Variants in FASN observed in about 807,000 individuals in gnomAD.
FASN encodes the protein fatty acid synthase.
A neutral mutation model predicts 250.0 loss-of-function variants in FASN; 50 were observed. That is an observed-to-expected ratio of 0.20 (90% confidence interval 0.16 to 0.25). The LOEUF (loss-of-function observed/expected upper bound fraction) is 0.25. Ranked by LOEUF, FASN falls within the 10% of genes least tolerant of loss-of-function variation. The probability of loss-of-function intolerance (pLI) is 1.00; values close to 1 mark genes in which losing one functional copy is unlikely to be tolerated. For synonymous variants in FASN, 1,909 were observed against 1,584.0 expected (o/e 1.21, Z -4.87); for missense variants, 3,031 against 3,498.5 (o/e 0.87, Z 3.37).
In FASN at chr17:82,083,987, A is replaced by G. The variant is rs1488443286; in HGVS notation, c.5086T>C (p.Phe1696Leu). Residue 1696 changes from phenylalanine (F) to leucine (L), a missense_variant, in exon 29 of 43, where the codon TTC becomes CTC. Coordinates refer to ENST00000306749, the MANE Select transcript of FASN (RefSeq NM_004104.5). ...AIALSLGCRV[F>L]TTVGSAEKRA... is the part of the protein sequence containing the mutation. ...GGCGGGGCCTTACCCACGGTGGTGAAGACGCGGCAGCCCAGACTGAGGGCG... is the reference window on the plus strand; with the variant it reads ...GGCGGGGCCTTACCCACGGTGGTGAGGACGCGGCAGCCCAGACTGAGGGCG... 6.5e-7 allele frequency: 1 copy of G among 1,539,602 alleles called. No homozygotes were observed. The highest frequency in any genetic ancestry group is 8.7e-7 in the Non-Finnish European group (1 of 1,145,576).
At chr17:82,085,969 G>C (rs2034091191) in intron 22 of FASN, 98 bp from the exon 23 acceptor site, 7 of 1,384,532 alleles carry the variant, frequency 5.1e-6, no homozygotes, top group Admixed American at 2.6e-5. Context: ...TGGCAGAAAG[G>C]CTTCCCCGTC....
In FASN at chr17:82,085,773, G is replaced by T; in HGVS notation, c.3831C>A (p.Pro1277=). 1 of 1,564,404 alleles carries T rather than the reference G, an allele frequency of 6.4e-7. No individual in the cohort carries two copies. Among genetic ancestry groups the T allele is most frequent in the Non-Finnish European group, 8.7e-7 (1 of 1,154,936 alleles). The change falls in exon 23 of 43, where the codon CCC becomes CCA. Residue 1277 remains proline (P), a synonymous_variant. Transcript: ENST00000306749. The part of the protein sequence containing the change: ...QLSYTATDRH[P]QALEAAQAEL... ...CGGCCTGGGCAGCCTCCAGGGCCTG[G>T]GGGTGGCGGTCGGTGGCCGTGTAGC...
rs770881274 is a variant in FASN, at chr17:82,084,138, C to T, written c.4935G>A (p.Ala1645=). ...TGCTGTAGACGACAGGCACCGAGGC[C>T]GCCTCCTCCAGCGTCCTGGGGATGC... ...DVPSNWTLEE[A]ASVPVVYSTA... Residue 1645 remains alanine (A), a synonymous_variant, in exon 29 of 43, where the codon GCG becomes GCA. Transcript: ENST00000306749. 1.6e-5 allele frequency: 25 copies of T among 1,592,256 alleles called. No homozygotes were observed. The highest frequency in any genetic ancestry group is 6.9e-5 in the East Asian group (3 of 43,272).
In FASN at chr17:82,093,300, G is replaced by A. The variant is rs1272225944; in HGVS notation, c.574C>T (p.Leu192=). 1 of 1,598,554 alleles carries A rather than the reference G, an allele frequency of 6.3e-7. No homozygotes were observed. The highest frequency in any genetic ancestry group is 8.5e-7 in the Non-Finnish European group (1 of 1,173,592). ...AAIVGGINVL[L]KPNTSVQFLR... ...AACTGCACGGAGGTGTTGGGCTTCA[G>A]CAGGACATTGATGCCCCCCACGATG... Residue 192 remains leucine, a synonymous_variant, in exon 5 of 43, where the codon CTG becomes TTG. Coordinates refer to ENST00000306749, the MANE Select transcript of FASN (RefSeq NM_004104.5).
chr17:82,083,404 T>G lies in FASN; in HGVS notation c.5363A>C (p.Asn1788Thr), dbSNP rs1568107226. The change falls in exon 32 of 43, where the codon AAC becomes ACC. Residue 1788 changes from asparagine (N) to threonine (T), a missense_variant. By Grantham distance (65) the Asn-to-Thr change is moderately conservative. Transcript: ENST00000306749. ...HPLGMAIFLKNVTFHGVLLDA... is the reference protein window; with the variant it reads ...HPLGMAIFLKTVTFHGVLLDA... Reference sequence around the variant, plus strand: ...CAGTAGGACCCCGTGGAATGTCACGTTCTTCAGGAAGATAGCCATGCCTGC... The same window carrying G: ...CAGTAGGACCCCGTGGAATGTCACGGTCTTCAGGAAGATAGCCATGCCTGC... The G allele has an allele frequency of 6.2e-7, 1 of 1,612,644 alleles. No homozygotes were observed. The highest frequency in any genetic ancestry group is 8.5e-7 in the Non-Finnish European group (1 of 1,180,016).
Position 82,078,612 on chromosome 17 carries a change from G to A in FASN, c.*531C>T. 1 of 190,750 alleles carries A rather than the reference G, an allele frequency of 5.2e-6. No individual in the cohort carries two copies. The highest frequency in any genetic ancestry group is 1.1e-5 in the Non-Finnish European group (1 of 91,240). The allele number at this position is 190,750 out of a possible 1,614,324, so 11.8% of individuals were successfully genotyped here. On this transcript the variant is annotated 3_prime_UTR_variant, in exon 43 of 43. Coordinates refer to ENST00000306749, the MANE Select transcript of FASN (RefSeq NM_004104.5). The surrounding 1 kb of genome is among the most constrained non-coding windows in gnomAD (Gnocchi z 5.4). Reference sequence around the variant, plus strand: ...CCCTGTGTGCCTGTGCAGGGGCCCAGCTCCTCGGGGACTGGCCCACGACCC... The same window carrying A: ...CCCTGTGTGCCTGTGCAGGGGCCCAACTCCTCGGGGACTGGCCCACGACCC...
rs1411622557 is a variant in FASN, at chr17:82,088,371, C to T, written c.2593+19G>A. 5 of 1,611,674 alleles carry T rather than the reference C, an allele frequency of 3.1e-6. No individual in the cohort carries two copies. In the East Asian group the frequency reaches 1.1e-4, roughly 36 times the overall value. On this transcript the variant is annotated intron_variant, in intron 16 of 42. Coordinates refer to ENST00000306749, the MANE Select transcript of FASN (RefSeq NM_004104.5). ...TGTGGGGAGGGAAGAGTCTGCCCACCCGCCGGGCCCCTGCTCACCGATGTT... is the reference window on the plus strand; with the variant it reads ...TGTGGGGAGGGAAGAGTCTGCCCACTCGCCGGGCCCCTGCTCACCGATGTT...
Position 82,084,936 on chromosome 17 carries a change from T to A in FASN, c.4427A>T (p.Asn1476Ile). The part of the protein sequence containing the change: ...GNRLRCVLLS[N>I]LSSTSHVPEV... Reference sequence around the variant, plus strand: ...CGGGACGTGGGAGGTGCTGCTGAGGTTGGAGAGCAGCACACACCTGGGGGC... The same window carrying A: ...CGGGACGTGGGAGGTGCTGCTGAGGATGGAGAGCAGCACACACCTGGGGGC... Residue 1476 changes from asparagine to isoleucine, a missense_variant, in exon 26 of 43, where the codon AAC (asparagine) becomes ATC (isoleucine). Coordinates refer to ENST00000306749, the MANE Select transcript of FASN (RefSeq NM_004104.5). 6.4e-7 allele frequency: 1 copy of A among 1,555,774 alleles called. No homozygotes were observed. Among genetic ancestry groups the A allele is most frequent in the Non-Finnish European group, 8.7e-7 (1 of 1,149,960 alleles).
chr17:82,089,554 C>T (rs540671852), intron 12 of FASN, 78 bp downstream of exon 12: 23 of 1,543,520 alleles, frequency 1.5e-5, no homozygotes, highest in African/African-American at 5.5e-5. Flanking sequence ...GGGGCGTAGA[C>T]CGTGGCCGCG....
Position 82,091,384 on chromosome 17 carries a change from G to A in FASN, c.1330C>T (p.His444Tyr), listed in dbSNP as rs1278380730. 2 of 1,611,034 alleles carry A rather than the reference G, an allele frequency of 1.2e-6. No individual in the cohort carries two copies. The highest frequency in any genetic ancestry group is 8.5e-7 in the Non-Finnish European group (1 of 1,179,294). Residue 444 changes from histidine (H) to tyrosine (Y), a missense_variant, in exon 9 of 43, where the codon CAC (histidine) becomes TAC (tyrosine). Coordinates refer to ENST00000306749, the MANE Select transcript of FASN (RefSeq NM_004104.5). ...VQKLLEQGLRHSQDLAFLSML... is the reference protein window; with the variant it reads ...VQKLLEQGLRYSQDLAFLSML... ...CTCAGGAAAGCCAGGTCCTGGCTGT[G>A]CCGGAGGCCCTGCTCCAGCAGCTTC...
chr17:82,082,689 C>T lies in FASN; in HGVS notation c.5768-11G>A. The T allele has an allele frequency of 6.2e-7, 1 of 1,607,136 alleles. No individual in the cohort carries two copies. The highest frequency in any genetic ancestry group is 8.5e-7 in the Non-Finnish European group (1 of 1,179,766). On this transcript the variant is annotated splice_polypyrimidine_tract_variant and intron_variant, in intron 33 of 42. Coordinates refer to ENST00000306749, the MANE Select transcript of FASN (RefSeq NM_004104.5). ...GCTTGGCCTGGTAGCCTGCGGGACACAGGACTGTGGGCTGGACTGGGCCAG... is the reference window on the plus strand; with the variant it reads ...GCTTGGCCTGGTAGCCTGCGGGACATAGGACTGTGGGCTGGACTGGGCCAG...
chr17:82,091,359 C>T lies in FASN; in HGVS notation c.1355G>A (p.Ser452Asn). Reference protein sequence around the residue: ...LRHSQDLAFLSMLNDIAAVPA... With the variant: ...LRHSQDLAFLNMLNDIAAVPA... ...GACAGCCGCGATGTCGTTCAGCATG[C>T]TCAGGAAAGCCAGGTCCTGGCTGTG... The change falls in exon 9 of 43, where the codon AGC (serine) becomes AAC (asparagine). Residue 452 changes from serine to asparagine, a missense_variant. Ser to Asn is a conservative substitution (Grantham distance 46). Transcript: ENST00000306749. The T allele has an allele frequency of 6.2e-7, 1 of 1,611,142 alleles. No homozygotes were observed. Among genetic ancestry groups the T allele is most frequent in the Middle Eastern group, 1.7e-4 (1 of 6,058 alleles).
intron 3 of FASN, 67 bp from the exon 4 acceptor site, chr17:82,093,838 C>A: frequency 6.7e-7 from 1 of 1,499,554 alleles, no homozygotes. Flanking sequence ...CCCACCCACC[C>A]GGCTCTGGGG....
chr17:82,086,220 G>A (rs562983584), intron 22 of FASN, 34 bp downstream of exon 22: 120 of 1,539,872 alleles, frequency 7.8e-5, no homozygotes, highest in African/African-American at 5.0e-4. Flanking sequence ...TACCATGTCC[G>A]GGGCAGAGGC....
intron 41 of FASN, 130 bp downstream of exon 41, chr17:82,080,010 G>A: frequency 9.7e-7 from 1 of 1,027,216 alleles, no homozygotes; most frequent in East Asian, 2.4e-5. Context: ...ATCCGGCCGG[G>A]ATCGGCTATT....
At chr17:82,079,686 T>C in intron 41 of FASN, 78 bp from the exon 42 acceptor site, 1 of 1,473,264 alleles carries the variant, frequency 6.8e-7, no homozygotes, top group Non-Finnish European at 9.0e-7. Context: ...CGGGTGGGCT[T>C]TTTTTTTTTG....
Position 82,087,144 on chromosome 17 carries a change from C to T in FASN, c.3333G>A (p.Val1111=). The T allele has an allele frequency of 6.2e-7, 1 of 1,611,718 alleles. No individual in the cohort carries two copies. The highest frequency in any genetic ancestry group is 8.5e-7 in the Non-Finnish European group (1 of 1,179,704). Residue 1111 remains valine, a synonymous_variant, in exon 21 of 43, where the codon GTG becomes GTA. Coordinates refer to ENST00000306749, the MANE Select transcript of FASN (RefSeq NM_004104.5). ...TGAAGCAAAACTTCTCCAGGATGGG[C>T]ACCTGCTGCTCCTGCTGCCGCCGCG... The part of the protein sequence containing the change: ...SAPRRQQEQQ[V]PILEKFCFTP...
At position 82,081,176 on chromosome 17, in the gene FASN, C is replaced by T; in HGVS notation, c.6583G>A (p.Asp2195Asn). The T allele has an allele frequency of 6.3e-7, 1 of 1,586,342 alleles. No homozygotes were observed. The highest frequency in any genetic ancestry group is 1.3e-5 in the African/African-American group (1 of 74,762). Residue 2195 changes from aspartate (D) to asparagine (N), a missense_variant, in exon 38 of 43, where the codon GAT (aspartate) becomes AAT (asparagine). Physicochemically the swap from Asp to Asn is conservative, Grantham distance 23 (BLOSUM62 1). Coordinates refer to ENST00000306749, the MANE Select transcript of FASN (RefSeq NM_004104.5). ...CACCCACACGCACCGCTGGCCTCAT[C>T]CGCCTTTGAGGACAGCTCCTGCAGT... is the stretch of plus-strand genomic sequence containing the variant. Reference protein sequence around the residue: ...RKLQELSSKADEASELACPTP... With the variant: ...RKLQELSSKANEASELACPTP...
At position 82,082,040 on chromosome 17, in the gene FASN, G is replaced by C; in HGVS notation, c.6132C>G (p.Ile2044Met). ...YGFANSAMERICEKRRHEGLP... is the reference protein window; with the variant it reads ...YGFANSAMERMCEKRRHEGLP... Reference sequence around the variant, plus strand: ...GGCCTTCGTGCCGGCGTTTCTCACAGATACGCTCCATGGCGGAATTGGCAA... The same window carrying C: ...GGCCTTCGTGCCGGCGTTTCTCACACATACGCTCCATGGCGGAATTGGCAA... Residue 2044 changes from isoleucine (I) to methionine (M), a missense_variant, in exon 36 of 43, where the codon ATC (isoleucine) becomes ATG (methionine). By Grantham distance (10) the Ile-to-Met change is conservative. Coordinates refer to ENST00000306749, the MANE Select transcript of FASN (RefSeq NM_004104.5). 1 of 1,610,350 alleles carries C rather than the reference G, an allele frequency of 6.2e-7. No individual in the cohort carries two copies. The highest frequency in any genetic ancestry group is 8.5e-7 in the Non-Finnish European group (1 of 1,179,964).
Sources: allele counts gnomAD v4.1 joint callset, GRCh38; gene constraint gnomAD v4.1.1; non-coding constraint Gnocchi (gnomAD v3.1); transcripts MANE v1.5; gene names NCBI Gene and HGNC (gene_info 2026-07-23, HGNC 2026-07-21).